Variants in SRGAP2B observed in about 807,000 individuals in gnomAD.
The protein encoded by SRGAP2B is SLIT-ROBO Rho GTPase-activating protein 2B.
Under a neutral mutation model 22.2 loss-of-function variants are expected in SRGAP2B, and 9 were observed. That is an observed-to-expected ratio of 0.41 (90% CI 0.24 to 0.71). SRGAP2B has a LOEUF of 0.71. SRGAP2B is among the 30% of genes least tolerant of loss of function. The probability of loss-of-function intolerance (pLI) is 0.35; values close to 1 mark genes in which losing one functional copy is unlikely to be tolerated. For synonymous variants in SRGAP2B, 36 were observed against 87.4 expected, an observed-to-expected ratio of 0.41 and a Z score of 3.28; for missense variants, 114 against 235.8, an observed-to-expected ratio of 0.48 and a Z score of 3.38.
chr1:145,044,837 G>T (rs1305317405), intron 2 of SRGAP2B, among the ~76,000 whole-genome samples: 2 of 148,616 alleles, frequency 1.3e-5, no homozygotes, highest in South Asian at 2.2e-4. Flanking sequence ...ATATAGGGAG[G>T]TGCCAAGTTG....
chr1:144,982,228 C>CAAGCTGTCCTA (rs1669365977), intron 3 of SRGAP2B, among the ~76,000 whole-genome samples: 1 of 131,746 alleles, frequency 7.6e-6, no homozygotes, highest in Non-Finnish European at 1.6e-5. Flanking sequence ...TACTATGTGC[C>CAAGCTGTCCTA]AAGCTGTCCT....
intron 4 of SRGAP2B, among the ~76,000 whole-genome samples, chr1:144,926,626 G>A (rs1664747690): frequency 6.6e-6 from 1 of 151,208 alleles, no homozygotes; most frequent in Non-Finnish European, 1.5e-5. Context: ...GAAGGCCAAG[G>A]CAGGAAGATC....
intron 3 of SRGAP2B, among the ~76,000 whole-genome samples, chr1:144,968,661 G>A (rs1384595645): frequency 1.7e-5 from 2 of 116,830 alleles, no homozygotes; most frequent in African/African-American, 7.1e-5. Flanking sequence ...GGCAGGAGAA[G>A]GAAATAAAGG....
chr1:144,932,336 C>T (rs1665254872), intron 4 of SRGAP2B, among the ~76,000 whole-genome samples: 1 of 150,994 alleles, frequency 6.6e-6, no homozygotes, highest in African/African-American at 2.5e-5. Flanking sequence ...TCAAAACACC[C>T]TTTGTGTCAC....
At chr1:144,925,936 CT>C (rs1664703494) in intron 4 of SRGAP2B, among the ~76,000 whole-genome samples, 1 of 114,904 alleles carries the variant, frequency 8.7e-6, no homozygotes, top group Non-Finnish European at 1.8e-5. Flanking sequence ...TCTAGTTTTG[CT>C]TTTTAAAAAT....
intron 3 of SRGAP2B, among the ~76,000 whole-genome samples, chr1:144,986,444 GCTACAGTTCACCGA>G (rs1669721952): frequency 6.7e-6 from 1 of 149,444 alleles, no homozygotes; most frequent in Non-Finnish European, 1.5e-5. Flanking sequence ...CAAAATCAAG[GCTACAGTTCACCGA>G]CTGAATGAAA....
chr1:145,015,561 C>T (rs1430208260), intron 2 of SRGAP2B, among the ~76,000 whole-genome samples: 1 of 148,144 alleles, frequency 6.8e-6, no homozygotes, highest in Non-Finnish European at 1.5e-5. Flanking sequence ...GGGAAAAAGA[C>T]GATGCTGTAG....
At chr1:144,987,270 C>T (rs1346446195) in intron 3 of SRGAP2B, among the ~76,000 whole-genome samples, 8 of 151,866 alleles carry the variant, frequency 5.3e-5, no homozygotes, top group Non-Finnish European at 8.8e-5. Context: ...TTATAGTCAC[C>T]CAGAACAATA....
intron 1 of SRGAP2B, among the ~76,000 whole-genome samples, chr1:145,093,778 C>G (rs1553636578): frequency 1.4e-5 from 2 of 147,906 alleles, no homozygotes; most frequent in East Asian, 2.0e-4. Context: ...GGAGCCCTCC[C>G]GACCTAGCCC....
chr1:145,020,887 A>C, intron 2 of SRGAP2B, among the ~76,000 whole-genome samples: 1 of 148,882 alleles, frequency 6.7e-6, no homozygotes, highest in South Asian at 2.1e-4. Flanking sequence ...GCAAACCCTG[A>C]CTCCCTGGTT....
intron 3 of SRGAP2B, among the ~76,000 whole-genome samples, chr1:144,994,707 T>C (rs1670535414): frequency 1.3e-5 from 2 of 148,936 alleles, no homozygotes; most frequent in South Asian, 4.2e-4. Flanking sequence ...AACCATCATA[T>C]GGAGTTGTTG....
At chr1:145,088,914 A>G (rs1653697405) in intron 2 of SRGAP2B, among the ~76,000 whole-genome samples, 1 of 150,800 alleles carries the variant, frequency 6.6e-6, no homozygotes, top group South Asian at 2.1e-4. Flanking sequence ...AAAATATTCA[A>G]GAAAAAAAAA....
chr1:144,970,775 C>T (rs1280878819), intron 3 of SRGAP2B, among the ~76,000 whole-genome samples: 2 of 149,672 alleles, frequency 1.3e-5, no homozygotes, highest in Non-Finnish European at 3.0e-5. Context: ...AACTGTTTAT[C>T]TTTTAAAAAA....
intron 7 of SRGAP2B, among the ~76,000 whole-genome samples, chr1:144,903,702 A>C (rs1204367614): frequency 2.7e-5 from 3 of 112,016 alleles, no homozygotes; most frequent in Non-Finnish European, 5.4e-5. Context: ...TTGCTTGTGG[A>C]GAAACCAAGG....
chr1:145,006,124 C>T (rs1558822728), intron 2 of SRGAP2B, among the ~76,000 whole-genome samples: 1 of 150,932 alleles, frequency 6.6e-6, no homozygotes, highest in Admixed American at 6.6e-5. Flanking sequence ...CCCACCCAGG[C>T]TTTCTCTCCT....
At chr1:144,993,069 A>G in intron 3 of SRGAP2B, among the ~76,000 whole-genome samples, 1 of 151,358 alleles carries the variant, frequency 6.6e-6, no homozygotes, top group South Asian at 2.1e-4. Flanking sequence ...CATGACTTAG[A>G]CATGCAAAGA....
At chr1:144,944,113 G>A (rs1263346080) in intron 4 of SRGAP2B, among the ~76,000 whole-genome samples, 1 of 150,246 alleles carries the variant, frequency 6.7e-6, no homozygotes, top group African/African-American at 2.5e-5. Flanking sequence ...TGATCAACCA[G>A]TAATTTAATA....
chr1:145,041,097 A>ATAG (rs1168511250), intron 2 of SRGAP2B, among the ~76,000 whole-genome samples: 7 of 118,864 alleles, frequency 5.9e-5, no homozygotes, highest in Non-Finnish European at 1.2e-4. Context: ...ATATATATAT[A>ATAG]TATATATATA....
chr1:144,942,501 C>A (rs1331169171), intron 4 of SRGAP2B, among the ~76,000 whole-genome samples: 11 of 150,582 alleles, frequency 7.3e-5, no homozygotes, highest in African/African-American at 2.5e-4. Flanking sequence ...CTCACTGCAA[C>A]CTCTGCCTCC....
Sources: allele counts gnomAD v4.1 joint callset (sites outside exome capture counted in the v4.1 genomes callset), GRCh38; gene constraint gnomAD v4.1.1; transcripts MANE v1.5; gene names NCBI Gene and HGNC (gene_info 2026-07-23, HGNC 2026-07-21).